WDR31: variants seen among roughly 807,000 people sequenced by gnomAD.
WDR31 encodes the protein WD repeat-containing protein 31.
In WDR31, 30 loss-of-function variants were observed where a neutral mutation model predicts 47.3. The observed-to-expected ratio is 0.63, with a 90% CI of 0.47 to 0.86. WDR31 has a LOEUF of 0.86. Ranked by LOEUF, WDR31 falls within the 40% of genes least tolerant of loss-of-function variation. WDR31 has a pLI of 0.00. For missense variants in WDR31, 406 were observed against 442.9 expected (o/e 0.92, Z 0.75); for synonymous variants, 137 against 159.4 (o/e 0.86, Z 1.06).
At chr9:113,332,523 C>T (rs1369969201) in intron 2 of WDR31, among the ~76,000 whole-genome samples, 4 of 152,158 alleles carry the variant, frequency 2.6e-5, no homozygotes, top group Non-Finnish European at 5.9e-5. Flanking sequence ...GAACATCATG[C>T]TAAGCAAAAG....
chr9:113,327,272 T>C (rs954110479), intron 5 of WDR31, among the ~76,000 whole-genome samples: 3 of 152,250 alleles, frequency 2.0e-5, no homozygotes, highest in African/African-American at 7.2e-5. Context: ...TGACATTAGC[T>C]TGTTATATGT....
rs956628699 is a variant in WDR31, at chr9:113,315,663, G to T, written c.*1086C>A. ...ATCCCTCTCTTTTTTCCTGTATGTGGTTTTTTGTTTTTTTTTTTTTCAAGA... is the reference window on the plus strand; with the variant it reads ...ATCCCTCTCTTTTTTCCTGTATGTGTTTTTTTGTTTTTTTTTTTTTCAAGA... On this transcript the variant is annotated 3_prime_UTR_variant, in exon 11 of 11. Coordinates refer to ENST00000374193, the MANE Select transcript of WDR31 (RefSeq NM_001012361.4). 3.3e-5 allele frequency: 5 copies of T among 149,446 alleles called. No homozygotes were observed. Among genetic ancestry groups the T allele is most frequent in the Non-Finnish European group, 5.9e-5 (4 of 67,296 alleles). The allele number at this position is 149,446 out of a possible 1,614,324, so 9.3% of individuals were successfully genotyped here. A position where few individuals can be genotyped will look rare whatever the true frequency, so the allele number is the denominator to read the frequency against.
chr9:113,324,617 C>T (rs543466541), intron 5 of WDR31, among the ~76,000 whole-genome samples: 15 of 151,884 alleles, frequency 9.9e-5, no homozygotes, highest in African/African-American at 2.4e-4. Flanking sequence ...CTCGAACTCC[C>T]GGGCTCAAGT....
intron 5 of WDR31, among the ~76,000 whole-genome samples, chr9:113,323,498 G>A (rs1226246986): frequency 6.6e-6 from 1 of 152,138 alleles, no homozygotes; most frequent in Admixed American, 6.6e-5. Flanking sequence ...GTGACCTCAG[G>A]TGAGCCACCC....
At chr9:113,320,960 T>C (rs936765764) in intron 8 of WDR31, among the ~76,000 whole-genome samples, 40 of 152,140 alleles carry the variant, frequency 2.6e-4, no homozygotes, top group Admixed American at 2.6e-3. Context: ...GAGTGTTTTG[T>C]TTTGCTTCTT....
At chr9:113,336,501 G>A (rs1214201011) in intron 1 of WDR31, 61 bp from the exon 2 acceptor site, 1 of 152,192 alleles carries the variant, frequency 6.6e-6, no homozygotes, top group African/African-American at 2.4e-5. Context: ...GTTAGGTGTA[G>A]TTTTCCCTCA....
rs1435306358 is a variant in WDR31, at chr9:113,331,062, A to G, written c.171T>C (p.Tyr57=). Residue 57 remains tyrosine, a synonymous_variant, in exon 4 of 11, where the codon TAT becomes TAC. Transcript: ENST00000374193. ...AGACGGTATCCATGTGAGCTGGGCTATACTCTTGAAAAGCTTTAGTTTGAA... is the reference window on the plus strand; with the variant it reads ...AGACGGTATCCATGTGAGCTGGGCTGTACTCTTGAAAAGCTTTAGTTTGAA... ...ERIQTKAFQE[Y]SPAHMDTVSV... The G allele has an allele frequency of 9.3e-6, 15 of 1,609,596 alleles. No individual in the cohort carries two copies. The highest frequency in any genetic ancestry group is 1.3e-5 in the Non-Finnish European group (15 of 1,177,350).
At chr9:113,328,392 G>A (rs1190419801) in intron 5 of WDR31, among the ~76,000 whole-genome samples, 5 of 152,148 alleles carry the variant, frequency 3.3e-5, no homozygotes, top group Non-Finnish European at 7.4e-5. Flanking sequence ...TTCAGAGCGG[G>A]GAATTATATA....
At chr9:113,331,644 G>A (rs1318987414) in intron 3 of WDR31, among the ~76,000 whole-genome samples, 1 of 152,114 alleles carries the variant, frequency 6.6e-6, no homozygotes, top group Non-Finnish European at 1.5e-5. Context: ...ATGGGGTTTC[G>A]CCATGTTGCC....
In WDR31 at chr9:113,315,672, T is replaced by G. The variant is rs1588036352; in HGVS notation, c.*1077A>C. 1 of 149,160 alleles carries G rather than the reference T, an allele frequency of 6.7e-6. No individual in the cohort carries two copies. Among genetic ancestry groups the G allele is most frequent in the East Asian group, 1.9e-4 (1 of 5,138 alleles). 9.2% of individuals were successfully genotyped at this position (149,160 alleles called of 1,614,324 possible). A position where few individuals can be genotyped will look rare whatever the true frequency, so the allele number is the denominator to read the frequency against. On this transcript the variant is annotated 3_prime_UTR_variant, in exon 11 of 11. Coordinates refer to ENST00000374193, the MANE Select transcript of WDR31 (RefSeq NM_001012361.4). ...TTTTTTCCTGTATGTGGTTTTTTGT[T>G]TTTTTTTTTTTCAAGACAAGGTCTC...
intron 4 of WDR31, among the ~76,000 whole-genome samples, chr9:113,330,148 T>G (rs1833564630): frequency 6.6e-6 from 1 of 152,112 alleles, no homozygotes; most frequent in Non-Finnish European, 1.5e-5. Context: ...TCACCCAGGC[T>G]GGAGGACAGT....
chr9:113,326,030 G>A (rs967548042), intron 5 of WDR31, among the ~76,000 whole-genome samples: 2 of 152,148 alleles, frequency 1.3e-5, no homozygotes, highest in African/African-American at 2.4e-5. Context: ...TCCTGCCTCA[G>A]CCTCTCGAGT....
chr9:113,329,547 G>C (rs975305607), intron 4 of WDR31, among the ~76,000 whole-genome samples: 1 of 151,856 alleles, frequency 6.6e-6, no homozygotes, highest in African/African-American at 2.4e-5. Context: ...GGCTGAGACA[G>C]GAGAATTGCT....
chr9:113,325,725 AT>A (rs1833446878), intron 5 of WDR31, among the ~76,000 whole-genome samples: 7 of 151,360 alleles, frequency 4.6e-5, no homozygotes, highest in Admixed American at 4.6e-4. Context: ...AATATTTTGT[AT>A]TTTATACATA....
At chr9:113,325,371 T>C (rs1833438854) in intron 5 of WDR31, among the ~76,000 whole-genome samples, 1 of 152,216 alleles carries the variant, frequency 6.6e-6, no homozygotes, top group Admixed American at 6.5e-5. Flanking sequence ...TATATATGTT[T>C]GATCTTGTTC....
chr9:113,322,980 A>G (rs1295014336), intron 6 of WDR31, 31 bp downstream of exon 6: 1 of 1,613,690 alleles, frequency 6.2e-7, no homozygotes, highest in African/African-American at 1.3e-5. Flanking sequence ...GAAAGCACAA[A>G]GGCATTGGGA....
chr9:113,325,705 T>C, intron 5 of WDR31, among the ~76,000 whole-genome samples: 1 of 151,812 alleles, frequency 6.6e-6, no homozygotes, highest in East Asian at 1.9e-4. Flanking sequence ...TAGTCTATTA[T>C]CATATTATTA....
chr9:113,331,018 T>C lies in WDR31; in HGVS notation c.215A>G (p.Asn72Ser), dbSNP rs1268488804. ...CCCTCCAGAGACACAAAGGTCTGAG[T>C]TCAAAGCAGCCACGACAGAGACGGT... ...MDTVSVVAALNSDLCVSGGKD... is the reference protein window; with the variant it reads ...MDTVSVVAALSSDLCVSGGKD... The change falls in exon 4 of 11, where the codon AAC becomes AGC. Residue 72 changes from asparagine to serine, a missense_variant. By Grantham distance (46) the Asn-to-Ser change is conservative (BLOSUM62 1). Transcript: ENST00000374193. The C allele has an allele frequency of 6.2e-7, 1 of 1,611,200 alleles. No individual in the cohort carries two copies. The highest frequency in any genetic ancestry group is 1.3e-5 in the African/African-American group (1 of 74,786).
At chr9:113,335,830 C>T (rs1468950107) in intron 2 of WDR31, among the ~76,000 whole-genome samples, 1 of 152,144 alleles carries the variant, frequency 6.6e-6, no homozygotes, top group Non-Finnish European at 1.5e-5. Context: ...GGACACTATA[C>T]GAAATGATTT....
Sources: allele counts gnomAD v4.1 joint callset (sites outside exome capture counted in the v4.1 genomes callset), GRCh38; gene constraint gnomAD v4.1.1; transcripts MANE v1.5; gene names NCBI Gene and HGNC (gene_info 2026-07-23, HGNC 2026-07-21).